SYNE2: variants seen among roughly 807,000 people sequenced by gnomAD.
The protein encoded by SYNE2 is nesprin-2.
In SYNE2, 431 loss-of-function variants were observed where a neutral mutation model predicts 856.3. That is an observed-to-expected ratio of 0.50 (90% CI 0.47 to 0.55). The LOEUF (loss-of-function observed/expected upper bound fraction) is 0.55, where lower values mean the gene tolerates loss of function less well. SYNE2 is among the 20% of genes least tolerant of loss of function. SYNE2 has a pLI of 0.00. For synonymous variants in SYNE2, 2,923 were observed against 2,872.3 expected (o/e 1.02, Z -0.56); for missense variants, 8,129 against 8,023.2 (o/e 1.01, Z -0.50).
intron 45 of SYNE2, chr14:64,034,636 A>G: frequency 2.1e-6 from 1 of 480,336 alleles, no homozygotes; most frequent in Non-Finnish European, 3.7e-6. Context: ...TTTCTTTAAT[A>G]TTGGAAATGT....
intron 95 of SYNE2, 149 bp from the exon 96 acceptor site, chr14:64,177,209 G>C (rs1173304223): frequency 1.1e-6 from 1 of 951,850 alleles, no homozygotes; most frequent in East Asian, 2.6e-5. Context: ...GGAGACCATA[G>C]TCTGCTTAAG....
chr14:64,084,810 C>T (rs559279796), intron 57 of SYNE2: 45 of 592,660 alleles, frequency 7.6e-5, no homozygotes, highest in African/African-American at 7.4e-4. Context: ...CTAAGTATCT[C>T]TGGCTCAAGG....
intron 45 of SYNE2, among the ~76,000 whole-genome samples, chr14:64,040,154 A>T (rs996408848): frequency 1.3e-5 from 2 of 152,204 alleles, no homozygotes; most frequent in Admixed American, 1.3e-4. Flanking sequence ...TCCCACAAGT[A>T]GGTTAAAAAA....
At position 64,052,382 on chromosome 14, in the gene SYNE2, T is replaced by G. The variant is rs755830565; in HGVS notation, c.8469T>G (p.Thr2823=). ...ACCAAATGCTGGTTTTAAAATCAAC[T>G]CAAAGATCACAGCAATTAGAATTTA... The part of the protein sequence containing the change: ...NQYQMLVLKS[T]QRSQQLEFKL... Residue 2823 remains threonine (T), a synonymous_variant, in exon 48 of 116, where the codon ACT becomes ACG. Transcript: ENST00000555002. 5.6e-6 allele frequency: 9 copies of G among 1,613,976 alleles called. No individual in the cohort carries two copies. The African/African-American group carries it at 1.2e-4, about 22-fold the overall frequency.
At chr14:64,135,375 A>G (rs2098078611) in intron 78 of SYNE2, among the ~76,000 whole-genome samples, 1 of 152,152 alleles carries the variant, frequency 6.6e-6, no homozygotes, top group African/African-American at 2.4e-5. Context: ...AACATTTTCC[A>G]GAGGCTGGGA....
chr14:64,049,115 T>C (rs2097206507), intron 46 of SYNE2: 1 of 152,302 alleles, frequency 6.6e-6, no homozygotes, highest in South Asian at 2.1e-4. Context: ...TGGTGAATTT[T>C]AGACTGGATT....
Position 64,126,495 on chromosome 14 carries a change from C to G in SYNE2, c.13707+16C>G. On this transcript the variant is annotated intron_variant, in intron 72 of 115. Coordinates refer to ENST00000555002, the MANE Select transcript of SYNE2 (RefSeq NM_182914.3). ...GCACTACGAGGTAGGGCACTTCTCACGAGCCCATGTGTTGGCCATTACAGC... is the reference window on the plus strand; with the variant it reads ...GCACTACGAGGTAGGGCACTTCTCAGGAGCCCATGTGTTGGCCATTACAGC... 2 of 1,614,114 alleles carry G rather than the reference C, an allele frequency of 1.2e-6. No homozygotes were observed. Among genetic ancestry groups the G allele is most frequent in the Non-Finnish European group, 1.7e-6 (2 of 1,179,972 alleles).
At chr14:63,982,529 A>G (rs1273431694) in intron 16 of SYNE2, 101 bp from the exon 17 acceptor site, 3 of 1,273,550 alleles carry the variant, frequency 2.4e-6, no homozygotes, top group Admixed American at 2.3e-5. Flanking sequence ...CAAAAAAAAA[A>G]AAAAAAAAGA....
intron 45 of SYNE2, among the ~76,000 whole-genome samples, chr14:64,047,003 A>G (rs7146859): frequency 0.91 from 138,719 of 152,286 alleles, 63,273 homozygotes; most frequent in Non-Finnish European, 0.94. Flanking sequence ...CGTCATGTGG[A>G]GCAGTTGCCC....
chr14:63,770,344 T>A (rs1363233263), intron 1 of SYNE2, among the ~76,000 whole-genome samples: 1 of 152,184 alleles, frequency 6.6e-6, no homozygotes, highest in Non-Finnish European at 1.5e-5. Flanking sequence ...TGTGTGGACT[T>A]GAATGCTACT....
At chr14:63,795,246 G>A (rs1887878210) in intron 1 of SYNE2, among the ~76,000 whole-genome samples, 1 of 151,958 alleles carries the variant, frequency 6.6e-6, no homozygotes, top group African/African-American at 2.4e-5. Flanking sequence ...CCTTAATCTG[G>A]GTGGGCACCA....
At chr14:64,102,987 C>A (rs1029185931) in intron 64 of SYNE2, among the ~76,000 whole-genome samples, 5 of 152,122 alleles carry the variant, frequency 3.3e-5, no homozygotes, top group Non-Finnish European at 7.4e-5. Context: ...GAACCTCCTT[C>A]TTTTTGAAGG....
intron 6 of SYNE2, among the ~76,000 whole-genome samples, chr14:63,948,727 T>TATAG (rs2096079907): frequency 1.1e-5 from 1 of 91,062 alleles, no homozygotes; most frequent in African/African-American, 3.2e-5. Context: ...TGTGTGTATA[T>TATAG]ATATGTGTAT....
chr14:64,164,008 C>G (rs988374774), intron 89 of SYNE2, among the ~76,000 whole-genome samples: 1 of 152,172 alleles, frequency 6.6e-6, no homozygotes, highest in African/African-American at 2.4e-5. Flanking sequence ...CAACCTCCAC[C>G]TCCCGGGTTC....
At chr14:64,049,521 AGT>A (rs1567152944) in intron 46 of SYNE2, 88 bp from the exon 47 acceptor site, 3 of 1,325,986 alleles carry the variant, frequency 2.3e-6, no homozygotes, top group South Asian at 2.5e-5. Flanking sequence ...CCTGAGATAG[AGT>A]GTGTTATCTC....
At chr14:64,186,658 G>T in intron 97 of SYNE2, 79 bp downstream of exon 97, 3 of 1,597,960 alleles carry the variant, frequency 1.9e-6, no homozygotes, top group Non-Finnish European at 2.6e-6. Flanking sequence ...GTAGAAAGGA[G>T]CTTAATTTCA....
chr14:64,024,659 A>T (rs546436440), intron 39 of SYNE2, among the ~76,000 whole-genome samples, 200 bp downstream of exon 39: 1 of 152,334 alleles, frequency 6.6e-6, no homozygotes, highest in South Asian at 2.1e-4. Context: ...GCAAAGGTTC[A>T]TGGGATAGTC....
intron 1 of SYNE2, among the ~76,000 whole-genome samples, chr14:63,904,536 T>C (rs1368535850): frequency 2.6e-5 from 4 of 152,130 alleles, no homozygotes; most frequent in Non-Finnish European, 4.4e-5. Context: ...ATGGTGTATC[T>C]TGGTGGTTTT....
chr14:63,922,045 C>T (rs1397852213), intron 2 of SYNE2, among the ~76,000 whole-genome samples: 1 of 152,204 alleles, frequency 6.6e-6, no homozygotes, highest in Non-Finnish European at 1.5e-5. Context: ...ACTTTGTCTT[C>T]CAGGCTAGAG....
Sources: allele counts gnomAD v4.1 joint callset (sites outside exome capture counted in the v4.1 genomes callset), GRCh38; gene constraint gnomAD v4.1.1; transcripts MANE v1.5; gene names NCBI Gene and HGNC (gene_info 2026-07-23, HGNC 2026-07-21).